The following CLUL1 variants were observed in gnomAD, a reference collection of about 807,000 sequenced individuals.
The protein encoded by CLUL1 is clusterin-like protein 1.
CLUL1 carries 43 observed loss-of-function variants against 49.4 expected under a neutral mutation model. That is an observed-to-expected ratio of 0.87 (90% CI 0.68 to 1.12). The LOEUF is 1.12. Among genes scored for constraint, CLUL1 ranks in the 50% most tolerant of loss-of-function variants. The pLI is 0.00. For missense variants in CLUL1, 486 were observed against 544.4 expected, an observed-to-expected ratio of 0.89 and a Z score of 1.07; for synonymous variants, 192 against 184.9, an observed-to-expected ratio of 1.04 and a Z score of -0.31.
intron 2 of CLUL1, among the ~76,000 whole-genome samples, chr18:614,296 A>G (rs1487411134): frequency 1.4e-5 from 2 of 141,928 alleles, no homozygotes; most frequent in Non-Finnish European, 3.1e-5. Flanking sequence ...TAAGGAAAGA[A>G]GGAAGGGAGG....
At chr18:616,151 A>AT (rs1277949785) in intron 2 of CLUL1, among the ~76,000 whole-genome samples, 1 of 152,204 alleles carries the variant, frequency 6.6e-6, no homozygotes, top group Non-Finnish European at 1.5e-5. Context: ...TAAATGAATC[A>AT]TTAAGGGCTA....
chr18:607,140 T>C, intron 2 of CLUL1, 41 bp downstream of exon 2: 1 of 700,984 alleles, frequency 1.4e-6, no homozygotes, highest in Non-Finnish European at 2.6e-6. Context: ...TTTATTTATT[T>C]ATTTAGAGAC....
rs138329686 is a variant in CLUL1 at position 616,165 on chromosome 18, T to C, written c.-13-1823T>C. Among the ~76,000 whole-genome samples the C allele has an allele frequency of 3.9e-5, 6 of 152,320 alleles. No homozygotes were observed. The East Asian group carries it at 1.2e-3, about 29-fold the overall frequency. ...TTAAATGAATCATTAAGGGCTACAT[T>C]TTCAGTTCAGCTAATCAAGTAGCAA... is the stretch of plus-strand genomic sequence containing the variant. On this transcript the variant is annotated intron_variant, in intron 2 of 9. Coordinates refer to ENST00000692774, the MANE Select transcript of CLUL1 (RefSeq NM_001393344.1).
intron 1 of CLUL1, among the ~76,000 whole-genome samples, chr18:600,453 TGAAATGGTCC>T (rs1490868512): frequency 6.6e-6 from 1 of 152,188 alleles, no homozygotes; most frequent in African/African-American, 2.4e-5. Flanking sequence ...TGCAGAGATT[TGAAATGGTCC>T]GTGGTACAGT....
In CLUL1 at chr18:627,185, T is replaced by C. The variant is rs775691014; in HGVS notation, c.512T>C (p.Ile171Thr). The change falls in exon 6 of 10, where the codon ATT becomes ACT. Residue 171 changes from isoleucine to threonine, a missense_variant. Ile to Thr is a moderately conservative substitution (Grantham distance 89). Coordinates refer to ENST00000692774, the MANE Select transcript of CLUL1 (RefSeq NM_001393344.1). ...EKDLPISEKL[I>T]EEDAQLTQME... Reference sequence around the variant, plus strand: ...GATCTCCCCATCAGTGAAAAGCTCATTGAGGAAGATGCACAATTGACCCAA... The same window carrying C: ...GATCTCCCCATCAGTGAAAAGCTCACTGAGGAAGATGCACAATTGACCCAA... 6.2e-7 allele frequency: 1 copy of C among 1,612,896 alleles called. No homozygotes were observed. The highest frequency in any genetic ancestry group is 1.1e-5 in the South Asian group (1 of 91,034).
rs558235819 is a variant in CLUL1, at chr18:617,856, A to T, written c.-13-132A>T. Reference sequence around the variant, plus strand: ...AGCTTCCTTATGTCTCAGGCACATTAGCATAAGTTGTCTAAAGTCATAAGG... The same window carrying T: ...AGCTTCCTTATGTCTCAGGCACATTTGCATAAGTTGTCTAAAGTCATAAGG... On this transcript the variant is annotated intron_variant, in intron 2 of 9. Coordinates refer to ENST00000692774, the MANE Select transcript of CLUL1 (RefSeq NM_001393344.1). 6 of 680,684 alleles carry T rather than the reference A, an allele frequency of 8.8e-6. No homozygotes were observed. The East Asian group carries it at 1.6e-4, about 19-fold the overall frequency. 42.2% of individuals were successfully genotyped at this position (680,684 alleles called of 1,614,324 possible). A position where few individuals can be genotyped will look rare whatever the true frequency, so the allele number is the denominator to read the frequency against.
At chr18:607,337 C>G in intron 2 of CLUL1, among the ~76,000 whole-genome samples, 1 of 152,184 alleles carries the variant, frequency 6.6e-6, no homozygotes, top group South Asian at 2.1e-4. Context: ...CCATGTTGGC[C>G]AGGCAGGTCT....
chr18:616,851 A>G (rs2073306052), intron 2 of CLUL1: 2 of 186,990 alleles, frequency 1.1e-5, no homozygotes, highest in South Asian at 3.6e-4. Context: ...GTAAAATGTG[A>G]TAACTGCATA....
intron 6 of CLUL1, among the ~76,000 whole-genome samples, chr18:628,569 T>A (rs1221264341): frequency 6.6e-6 from 1 of 152,172 alleles, no homozygotes; most frequent in Non-Finnish European, 1.5e-5. Context: ...CTAAGCCAGG[T>A]TGAAGGCTGC....
chr18:611,849 G>A (rs551368218), intron 2 of CLUL1, among the ~76,000 whole-genome samples: 1 of 152,242 alleles, frequency 6.6e-6, no homozygotes, highest in South Asian at 2.1e-4. Flanking sequence ...TTAGACCCTG[G>A]TGGACTGGGT....
At chr18:602,716 C>T (rs1307847272) in intron 1 of CLUL1, among the ~76,000 whole-genome samples, 1 of 152,092 alleles carries the variant, frequency 6.6e-6, no homozygotes, top group Non-Finnish European at 1.5e-5. Context: ...CATTTTCGCA[C>T]CATCAAGAGT....
intron 7 of CLUL1, among the ~76,000 whole-genome samples, chr18:636,032 G>C (rs182903814): frequency 2.0e-5 from 3 of 152,100 alleles, no homozygotes; most frequent in African/African-American, 7.2e-5. Context: ...ATCGCGCCTG[G>C]CCAACAAATT....
Position 631,601 on chromosome 18 carries a change from A to AT in CLUL1, c.857-1694dup, listed in dbSNP as rs552912431. 1.4e-4 allele frequency among the ~76,000 whole-genome samples: 22 copies of AT among 152,212 alleles called. No homozygotes were observed. The East Asian group carries it at 2.9e-3, about 20-fold the overall frequency. On this transcript the variant is annotated intron_variant, in intron 6 of 9. Transcript: ENST00000692774. ...GGAATTAGTGTCATATGGGCCTAGA[A>AT]TTTGTCATCCTTGGTGTACATACCA...
At chr18:649,744 C>G in intron 9 of CLUL1, 154 bp from the exon 10 acceptor site, 1 of 578,324 alleles carries the variant, frequency 1.7e-6, no homozygotes. Flanking sequence ...ATGGGTTTCA[C>G]ATTATTTTGC....
intron 2 of CLUL1, among the ~76,000 whole-genome samples, chr18:608,371 C>G (rs1049966520): frequency 2.6e-5 from 4 of 152,128 alleles, no homozygotes; most frequent in Non-Finnish European, 5.9e-5. Flanking sequence ...GCCTAAAAAC[C>G]CCCTAGGTAT....
intron 7 of CLUL1, among the ~76,000 whole-genome samples, chr18:636,997 T>C (rs1274793379): frequency 1.3e-5 from 2 of 151,024 alleles, no homozygotes; most frequent in African/African-American, 4.9e-5. Flanking sequence ...TTTGTTTTTG[T>C]TTTTTTTGAG....
chr18:624,885 T>C lies in CLUL1; in HGVS notation c.276T>C (p.Asn92=). The change falls in exon 5 of 10, where the codon AAT becomes AAC. Residue 92 remains asparagine (N), a synonymous_variant. Transcript: ENST00000692774. ...ACTAGGAGGCCCTGAAACTTCTGAATGAAGTTCAAGAACATCTGGAGGAAG... is the reference window on the plus strand; with the variant it reads ...ACTAGGAGGCCCTGAAACTTCTGAACGAAGTTCAAGAACATCTGGAGGAAG... ...EEKQEALKLL[N]EVQEHLEEEE... 1.2e-6 allele frequency: 2 copies of C among 1,613,964 alleles called. No individual in the cohort carries two copies. Among genetic ancestry groups the C allele is most frequent in the Non-Finnish European group, 1.7e-6 (2 of 1,179,960 alleles).
chr18:619,269 G>A lies in CLUL1; in HGVS notation c.163G>A (p.Gly55Ser), dbSNP rs777250461. 1.2e-6 allele frequency: 2 copies of A among 1,613,654 alleles called. No individual in the cohort carries two copies. The highest frequency in any genetic ancestry group is 1.7e-5 in the Admixed American group (1 of 59,958). ...TGAAGAGGTGAAGAAGGCTTTGACT[G>A]GTATTAAGCAAATGAAAATCATGAT... ...ADEEVKKALT[G>S]IKQMKIMMER... The change falls in exon 4 of 10, where the codon GGT (glycine) becomes AGT (serine). Residue 55 changes from glycine (G) to serine (S), a missense_variant. Physicochemically the swap from Gly to Ser is moderately conservative, Grantham distance 56. Coordinates refer to ENST00000692774, the MANE Select transcript of CLUL1 (RefSeq NM_001393344.1).
chr18:622,056 C>T (rs1032777146), intron 4 of CLUL1, among the ~76,000 whole-genome samples: 3 of 152,124 alleles, frequency 2.0e-5, no homozygotes, highest in Non-Finnish European at 4.4e-5. Context: ...CTGTTTAACC[C>T]TGAGTATCCC....
Sources: gnomAD v4.1 joint callset for allele counts (sites outside exome capture counted in the v4.1 genomes callset) on GRCh38, gnomAD v4.1.1 for gene constraint, MANE v1.5 for transcripts, NCBI Gene and HGNC (gene_info 2026-07-23, HGNC 2026-07-21) for gene names.